Variants in GALNT1 observed in about 807,000 individuals in gnomAD.
GALNT1 encodes the protein polypeptide N-acetylgalactosaminyltransferase 1.
Under a neutral mutation model 65.7 loss-of-function variants are expected in GALNT1, and 17 were observed. The ratio of observed to expected loss-of-function variants is 0.26; its 90% CI spans 0.18 to 0.39. The LOEUF is 0.39. Among genes scored for constraint, GALNT1 ranks in the 10% least tolerant of loss-of-function variants. The probability of loss-of-function intolerance (pLI) is 1.00; values close to 1 mark genes in which losing one functional copy is unlikely to be tolerated. For synonymous variants in GALNT1, 210 were observed against 219.7 expected, an observed-to-expected ratio of 0.96 and a Z score of 0.39; for missense variants, 460 against 672.8, an observed-to-expected ratio of 0.68 and a Z score of 3.50.
chr18:35,622,355 A>T (rs1598786260), intron 1 of GALNT1, among the ~76,000 whole-genome samples: 1 of 152,070 alleles, frequency 6.6e-6, no homozygotes, highest in South Asian at 2.1e-4. Flanking sequence ...AGGCTCAAGC[A>T]ATTTTCTCAC....
At chr18:35,641,274 C>G (rs1338971837) in intron 1 of GALNT1, among the ~76,000 whole-genome samples, 3 of 152,098 alleles carry the variant, frequency 2.0e-5, no homozygotes, top group Admixed American at 6.5e-5. Flanking sequence ...GTGAAACCCT[C>G]TCTTTGCAAA....
At chr18:35,657,406 A>G (rs1598797518) in intron 2 of GALNT1, among the ~76,000 whole-genome samples, 1 of 152,164 alleles carries the variant, frequency 6.6e-6, no homozygotes, top group Admixed American at 6.5e-5. Context: ...AGTTTGGAAT[A>G]TTTAACTTTG....
intron 2 of GALNT1, among the ~76,000 whole-genome samples, chr18:35,660,325 A>T (rs1433583955): frequency 6.6e-6 from 1 of 152,110 alleles, no homozygotes; most frequent in Non-Finnish European, 1.5e-5. Context: ...TGTGTATGTT[A>T]ATCTTATTTG....
At chr18:35,656,072 A>G (rs965277167) in intron 2 of GALNT1, among the ~76,000 whole-genome samples, 7 of 152,332 alleles carry the variant, frequency 4.6e-5, no homozygotes, top group Admixed American at 2.0e-4. Context: ...CATACTGTCT[A>G]TGTTTAAATC....
intron 9 of GALNT1, among the ~76,000 whole-genome samples, chr18:35,693,981 A>T (rs2048011257): frequency 6.6e-6 from 1 of 152,194 alleles, no homozygotes; most frequent in South Asian, 2.1e-4. Context: ...AGGAGAACCT[A>T]GAGAGTGGTG....
intron 6 of GALNT1, among the ~76,000 whole-genome samples, 166 bp downstream of exon 6, chr18:35,687,352 A>G (rs2047884542): frequency 6.6e-6 from 1 of 152,208 alleles, no homozygotes. Flanking sequence ...TTAAAGAAGG[A>G]TTTCTCCTCT....
chr18:35,637,145 C>T (rs555466388), intron 1 of GALNT1, among the ~76,000 whole-genome samples: 1 of 152,262 alleles, frequency 6.6e-6, no homozygotes, highest in Middle Eastern at 3.4e-3. Context: ...ACATACACCA[C>T]CACACTCTGC....
intron 1 of GALNT1, among the ~76,000 whole-genome samples, chr18:35,652,566 A>G (rs936309247): frequency 2.6e-5 from 4 of 152,158 alleles, no homozygotes; most frequent in African/African-American, 9.7e-5. Flanking sequence ...ACACCTCGAC[A>G]TGAGGCCCCT....
chr18:35,703,036 A>AT (rs146875761), intron 10 of GALNT1, 41 bp downstream of exon 10: 81,042 of 1,233,854 alleles, frequency 0.066, 3,165 homozygotes, highest in African/African-American at 0.12. Flanking sequence ...TAATTTTCAG[A>AT]TTGTTTTTAC....
At chr18:35,600,118 C>T (rs980945713) in intron 1 of GALNT1, among the ~76,000 whole-genome samples, 1 of 152,170 alleles carries the variant, frequency 6.6e-6, no homozygotes, top group Non-Finnish European at 1.5e-5. Context: ...GTAGGATGGA[C>T]ATTTTCACAA....
chr18:35,592,555 G>T (rs937930603), intron 1 of GALNT1, among the ~76,000 whole-genome samples: 2 of 152,094 alleles, frequency 1.3e-5, no homozygotes, highest in African/African-American at 2.4e-5. Context: ...AAATTGGCAT[G>T]GTATAGCTGA....
chr18:35,633,047 C>T (rs910040114), intron 1 of GALNT1, among the ~76,000 whole-genome samples: 8 of 152,092 alleles, frequency 5.3e-5, no homozygotes, highest in African/African-American at 1.4e-4. Flanking sequence ...GGAAACAACA[C>T]GTGCTGGAGA....
intron 1 of GALNT1, among the ~76,000 whole-genome samples, chr18:35,605,403 C>T (rs2038632062): frequency 6.6e-6 from 1 of 150,656 alleles, no homozygotes; most frequent in South Asian, 2.1e-4. Flanking sequence ...GAGGCTGAGG[C>T]AGGAAAATTG....
chr18:35,695,252 C>T (rs2048036034), intron 9 of GALNT1, among the ~76,000 whole-genome samples: 1 of 146,610 alleles, frequency 6.8e-6, no homozygotes, highest in South Asian at 2.1e-4. Context: ...GAAATCTGTA[C>T]ACAAGTAGAG....
intron 1 of GALNT1, among the ~76,000 whole-genome samples, chr18:35,589,231 A>G (rs567601622): frequency 6.6e-6 from 1 of 152,020 alleles, no homozygotes; most frequent in Non-Finnish European, 1.5e-5. Flanking sequence ...GTGTATGTGG[A>G]AGGGTGCCTT....
intron 1 of GALNT1, among the ~76,000 whole-genome samples, chr18:35,588,697 C>T (rs894766121): frequency 1.3e-5 from 2 of 152,096 alleles, no homozygotes; most frequent in African/African-American, 4.8e-5. Context: ...CCCTCCCTTT[C>T]TGCTGCTGAG....
intron 3 of GALNT1, among the ~76,000 whole-genome samples, chr18:35,670,461 G>A (rs895461519): frequency 6.6e-6 from 1 of 151,948 alleles, no homozygotes; most frequent in African/African-American, 2.4e-5. Context: ...TCCAAGAAAG[G>A]CTCTTCAGAG....
chr18:35,700,185 CTA>C (rs2048135619), intron 9 of GALNT1, among the ~76,000 whole-genome samples: 1 of 152,182 alleles, frequency 6.6e-6, no homozygotes, highest in South Asian at 2.1e-4. Context: ...TCTGAAAACT[CTA>C]TATTCTCTAG....
chr18:35,686,145 A>G (rs2047864294), intron 5 of GALNT1, among the ~76,000 whole-genome samples: 1 of 152,238 alleles, frequency 6.6e-6, no homozygotes, highest in African/African-American at 2.4e-5. Context: ...AAAAGATACC[A>G]TTCGTAATAG....
Sources: allele counts gnomAD v4.1 joint callset (sites outside exome capture counted in the v4.1 genomes callset), GRCh38; gene constraint gnomAD v4.1.1; transcripts MANE v1.5; gene names NCBI Gene and HGNC (gene_info 2026-07-23, HGNC 2026-07-21).